CACNB4: variants seen among roughly 807,000 people sequenced by gnomAD.
CACNB4 encodes the protein calcium voltage-gated channel auxiliary subunit beta 4, also known as voltage-dependent L-type calcium channel subunit beta-4.
Under a neutral mutation model 71.2 loss-of-function variants are expected in CACNB4, and 32 were observed. The observed-to-expected ratio is 0.45, with a 90% CI of 0.34 to 0.60. CACNB4 has a LOEUF of 0.60. Among genes scored for constraint, CACNB4 ranks in the 20% least tolerant of loss-of-function variants. CACNB4 has a pLI of 0.01. For missense variants in CACNB4, 464 were observed against 647.9 expected (o/e 0.72, Z 3.08); for synonymous variants, 231 against 236.9 (o/e 0.97, Z 0.23).
chr2:151,969,693 T>C (rs2099872017), intron 2 of CACNB4: 1 of 152,000 alleles, frequency 6.6e-6, no homozygotes, highest in Non-Finnish European at 1.5e-5. Context: ...ACATACATAG[T>C]TCCACAGCTT....
intron 2 of CACNB4, among the ~76,000 whole-genome samples, chr2:151,989,275 C>A (rs1023306277): frequency 6.6e-6 from 1 of 152,228 alleles, no homozygotes; most frequent in African/African-American, 2.4e-5. Context: ...TATCAACTTA[C>A]TTCTATCTGT....
At chr2:152,096,061 C>A (rs1688250242) in intron 2 of CACNB4, among the ~76,000 whole-genome samples, 1 of 152,198 alleles carries the variant, frequency 6.6e-6, no homozygotes, top group African/African-American at 2.4e-5. Context: ...CATTTGTAAT[C>A]ATTTTCCTTA....
At position 151,996,649 on chromosome 2, in the gene CACNB4, G is replaced by A. The variant is rs138620935; in HGVS notation, c.147+101681C>T. 3.0e-3 allele frequency among the ~76,000 whole-genome samples: 455 copies of A among 152,184 alleles called. 4 individuals carry two copies. Among genetic ancestry groups the A allele is most frequent in the African/African-American group, 0.011 (436 of 41,518 alleles). ...AATAAATAGCCCAATATCCCCTCCT[G>A]TCCCAAGGTTTTTACCTTTCTTTCC... On this transcript the variant is annotated intron_variant, in intron 2 of 13. Coordinates refer to ENST00000539935, the MANE Select transcript of CACNB4 (RefSeq NM_000726.5).
At chr2:151,843,149 T>C (rs1277499662) in intron 12 of CACNB4, among the ~76,000 whole-genome samples, 2 of 152,202 alleles carry the variant, frequency 1.3e-5, no homozygotes, top group East Asian at 3.8e-4. Context: ...AGGAAGTTGT[T>C]CTGTTCCAGA....
intron 2 of CACNB4, among the ~76,000 whole-genome samples, chr2:152,069,807 A>ATCTTTTG (rs1686568533): frequency 6.9e-6 from 1 of 145,394 alleles, no homozygotes; most frequent in Admixed American, 6.8e-5. Context: ...TTTATTCTAG[A>ATCTTTTG]TCTTTTGATA....
intron 2 of CACNB4, among the ~76,000 whole-genome samples, chr2:152,063,368 T>C (rs1173142426): frequency 6.6e-6 from 1 of 152,246 alleles, no homozygotes; most frequent in Non-Finnish European, 1.5e-5. Flanking sequence ...TATTCATTTA[T>C]TAGCTCCATT....
At chr2:152,019,974 G>A (rs1683565078) in intron 2 of CACNB4, among the ~76,000 whole-genome samples, 1 of 152,168 alleles carries the variant, frequency 6.6e-6, no homozygotes, top group African/African-American at 2.4e-5. Context: ...GAGTGAGAGG[G>A]CAAAGAAGGC....
chr2:151,962,836 A>C (rs2099870008), intron 2 of CACNB4: 1 of 152,230 alleles, frequency 6.6e-6, no homozygotes, highest in African/African-American at 2.4e-5. Flanking sequence ...AAGTAGATAA[A>C]GTTCTCACCA....
At chr2:152,092,935 C>T (rs892933653) in intron 2 of CACNB4, among the ~76,000 whole-genome samples, 4 of 151,824 alleles carry the variant, frequency 2.6e-5, no homozygotes, top group Non-Finnish European at 5.9e-5. Context: ...AATAATAAAA[C>T]AGAACAATGT....
chr2:151,942,563 G>T (rs1017107545), intron 2 of CACNB4, among the ~76,000 whole-genome samples: 4 of 148,916 alleles, frequency 2.7e-5, no homozygotes, highest in African/African-American at 1.0e-4. Context: ...TGCCTGCAGG[G>T]TCCGGCAAAA....
intron 2 of CACNB4, among the ~76,000 whole-genome samples, chr2:151,904,201 A>C (rs1225595244): frequency 3.3e-5 from 5 of 152,196 alleles, no homozygotes; most frequent in Non-Finnish European, 7.3e-5. Context: ...AAGCACTTCT[A>C]GTTACATGTG....
chr2:151,909,259 T>C (rs1302527108), intron 2 of CACNB4, among the ~76,000 whole-genome samples: 2 of 150,812 alleles, frequency 1.3e-5, no homozygotes, highest in South Asian at 2.1e-4. Context: ...GGTGAAACCC[T>C]GTCTCTATTA....
rs1296066292 is a variant in CACNB4 at position 151,835,447 on chromosome 2, A to T, written c.*3672T>A. 3 of 151,872 alleles carry T rather than the reference A, an allele frequency of 2.0e-5. No homozygotes were observed. Among genetic ancestry groups the T allele is most frequent in the Non-Finnish European group, 3.0e-5 (2 of 67,772 alleles). 9.4% of individuals were successfully genotyped at this position (151,872 alleles called of 1,614,324 possible). ...CTTATTGACCAGTGTTTTTCCCTTT[A>T]AAGACAGATTGTCTTCTCTAGAGAA... On this transcript the variant is annotated 3_prime_UTR_variant, in exon 14 of 14. Transcript: ENST00000539935.
At chr2:151,898,625 C>A (rs752692427) in intron 2 of CACNB4, among the ~76,000 whole-genome samples, 22 of 152,130 alleles carry the variant, frequency 1.4e-4, no homozygotes, top group Non-Finnish European at 3.1e-4. Flanking sequence ...TTTAAAAATT[C>A]TATTTTCTCA....
intron 2 of CACNB4, among the ~76,000 whole-genome samples, chr2:151,902,400 T>C (rs1417220804): frequency 2.6e-5 from 4 of 152,156 alleles, no homozygotes; most frequent in South Asian, 2.1e-4. Flanking sequence ...TGAAAGACAC[T>C]GGAAGCACTT....
chr2:151,886,748 A>G (rs542512103), intron 2 of CACNB4, among the ~76,000 whole-genome samples: 2 of 152,322 alleles, frequency 1.3e-5, no homozygotes, highest in African/African-American at 4.8e-5. Flanking sequence ...AACATTCAAG[A>G]GCCCACATGT....
intron 2 of CACNB4, among the ~76,000 whole-genome samples, chr2:151,960,106 T>C (rs2099869266): frequency 6.6e-6 from 1 of 152,200 alleles, no homozygotes; most frequent in Non-Finnish European, 1.5e-5. Context: ...AATGAAACAA[T>C]CCAAGCAGTC....
At chr2:151,917,951 T>C (rs2099857963) in intron 2 of CACNB4, among the ~76,000 whole-genome samples, 1 of 152,112 alleles carries the variant, frequency 6.6e-6, no homozygotes, top group Non-Finnish European at 1.5e-5. Context: ...GAAAGTTGGC[T>C]GGAAACCCCA....
intron 2 of CACNB4, among the ~76,000 whole-genome samples, chr2:152,076,498 T>C (rs1000032799): frequency 6.6e-6 from 1 of 152,010 alleles, no homozygotes; most frequent in Non-Finnish European, 1.5e-5. Flanking sequence ...GTCACTGTAG[T>C]TTGTGTTTGG....
Sources: allele counts gnomAD v4.1 joint callset (sites outside exome capture counted in the v4.1 genomes callset), GRCh38; gene constraint gnomAD v4.1.1; transcripts MANE v1.5; gene names NCBI Gene and HGNC (gene_info 2026-07-23, HGNC 2026-07-21).